The following ZZZ3 variants were observed in gnomAD, a reference collection of about 807,000 sequenced individuals.
ZZZ3 encodes the protein zinc finger ZZ-type containing 3, also known as ZZ-type zinc finger-containing protein 3.
In ZZZ3, 22 loss-of-function variants were observed where a neutral mutation model predicts 95.2. The observed-to-expected ratio is 0.23, with a 90% CI of 0.17 to 0.33. The LOEUF (loss-of-function observed/expected upper bound fraction) is 0.33, where lower values mean the gene tolerates loss of function less well. Among genes scored for constraint, ZZZ3 ranks in the 10% least tolerant of loss-of-function variants. The pLI, the probability that ZZZ3 is intolerant of heterozygous loss-of-function variation, is 1.00. For missense variants in ZZZ3, 885 were observed against 1,066.5 expected, an observed-to-expected ratio of 0.83 and a Z score of 2.37; for synonymous variants, 335 against 358.9, an observed-to-expected ratio of 0.93 and a Z score of 0.75.
intron 5 of ZZZ3, among the ~76,000 whole-genome samples, chr1:77,605,196 G>A (rs547384488): frequency 6.8e-4 from 104 of 152,282 alleles, no homozygotes; most frequent in African/African-American, 2.4e-3. Flanking sequence ...CCCCAGCAGT[G>A]ACCACAAGGC....
intron 1 of ZZZ3, among the ~76,000 whole-genome samples, chr1:77,663,600 C>T (rs544848678): frequency 1.3e-5 from 2 of 152,312 alleles, no homozygotes; most frequent in South Asian, 4.1e-4. Context: ...TCCTAACCAA[C>T]ATGGAATGAA....
intron 4 of ZZZ3, among the ~76,000 whole-genome samples, chr1:77,636,323 T>A (rs938083214): frequency 4.6e-5 from 7 of 152,214 alleles, no homozygotes; most frequent in African/African-American, 1.7e-4. Context: ...TGCCTTGCAG[T>A]ACAAACTTCT....
chr1:77,664,339 T>C (rs1403234344), intron 1 of ZZZ3, among the ~76,000 whole-genome samples: 1 of 152,160 alleles, frequency 6.6e-6, no homozygotes, highest in Non-Finnish European at 1.5e-5. Flanking sequence ...AAAACTCTTA[T>C]TCCTCAAAGG....
intron 5 of ZZZ3, among the ~76,000 whole-genome samples, chr1:77,611,002 C>T (rs1665739797): frequency 6.6e-6 from 1 of 151,678 alleles, no homozygotes; most frequent in South Asian, 2.1e-4. Flanking sequence ...TAAATAGCAT[C>T]TAAATTGGAA....
chr1:77,619,189 TAA>T (rs755482820), intron 5 of ZZZ3, among the ~76,000 whole-genome samples: 6 of 152,274 alleles, frequency 3.9e-5, no homozygotes, highest in Middle Eastern at 3.4e-3. Flanking sequence ...TACAAATACA[TAA>T]AAGTTTCATA....
intron 1 of ZZZ3, among the ~76,000 whole-genome samples, chr1:77,641,913 T>C (rs191635675): frequency 3.5e-4 from 53 of 152,274 alleles, no homozygotes; most frequent in South Asian, 1.5e-3. Flanking sequence ...CCCTTACAAA[T>C]TGAAGAGCTC....
chr1:77,672,935 A>AT (rs200114118), intron 1 of ZZZ3, among the ~76,000 whole-genome samples: 36 of 151,714 alleles, frequency 2.4e-4, no homozygotes, highest in Admixed American at 3.9e-4. Flanking sequence ...AAAACAAGTG[A>AT]TTTTTTTTTA....
At chr1:77,588,745 T>TA (rs1264426026) in intron 5 of ZZZ3, among the ~76,000 whole-genome samples, 2 of 152,234 alleles carry the variant, frequency 1.3e-5, no homozygotes, top group Admixed American at 1.3e-4. Context: ...TTTGCCTGGA[T>TA]AAAATCATAG....
At chr1:77,571,673 C>G (rs182567576) in intron 12 of ZZZ3, among the ~76,000 whole-genome samples, 2 of 152,136 alleles carry the variant, frequency 1.3e-5, no homozygotes, top group Non-Finnish European at 2.9e-5. Flanking sequence ...TGAAACGAGC[C>G]AGTCACAAAA....
chr1:77,617,887 G>T (rs1666470750), intron 5 of ZZZ3, among the ~76,000 whole-genome samples: 1 of 152,104 alleles, frequency 6.6e-6, no homozygotes, highest in African/African-American at 2.4e-5. Flanking sequence ...GGAGGTTGCA[G>T]TGAAACAAGA....
intron 12 of ZZZ3, among the ~76,000 whole-genome samples, chr1:77,570,219 CAGCCTCCCA>C (rs977737863): frequency 6.6e-6 from 1 of 152,214 alleles, no homozygotes; most frequent in African/African-American, 2.4e-5. Flanking sequence ...TCTCCTGCCC[CAGCCTCCCA>C]AGTAGCTGGG....
intron 1 of ZZZ3, among the ~76,000 whole-genome samples, chr1:77,658,104 A>C (rs897039835): frequency 6.9e-6 from 1 of 145,778 alleles, no homozygotes; most frequent in African/African-American, 2.5e-5. Context: ...GCTTGAATGC[A>C]GGAGGCAGAG....
intron 5 of ZZZ3, among the ~76,000 whole-genome samples, chr1:77,613,535 G>A (rs914515855): frequency 1.3e-5 from 2 of 151,256 alleles, no homozygotes; most frequent in South Asian, 4.2e-4. Context: ...CTTGGTATAT[G>A]TTTATATGGT....
chr1:77,653,916 C>T (rs1283280948), intron 1 of ZZZ3, among the ~76,000 whole-genome samples: 1 of 152,082 alleles, frequency 6.6e-6, no homozygotes, highest in Non-Finnish European at 1.5e-5. Context: ...AGGCCAGGCA[C>T]GGTGGCTCAC....
chr1:77,633,679 CAGAT>C (rs1389884616), intron 4 of ZZZ3, among the ~76,000 whole-genome samples: 5 of 152,112 alleles, frequency 3.3e-5, no homozygotes, highest in Non-Finnish European at 7.4e-5. Context: ...CACAACAACT[CAGAT>C]AGGTGCTACT....
At chr1:77,653,583 G>C (rs971790130) in intron 1 of ZZZ3, among the ~76,000 whole-genome samples, 1 of 151,924 alleles carries the variant, frequency 6.6e-6, no homozygotes, top group Non-Finnish European at 1.5e-5. Flanking sequence ...GAGAAATCCT[G>C]TATCTACTAA....
intron 12 of ZZZ3, among the ~76,000 whole-genome samples, chr1:77,570,675 ATTATTT>A (rs911284947): frequency 6.1e-5 from 9 of 147,618 alleles, no homozygotes; most frequent in East Asian, 2.0e-4. Context: ...TATTATTATT[ATTATTT>A]TTTTGAGAGA....
At chr1:77,575,910 T>C (rs563315028) in intron 12 of ZZZ3, among the ~76,000 whole-genome samples, 158 bp downstream of exon 12, 1 of 152,350 alleles carries the variant, frequency 6.6e-6, no homozygotes, top group Non-Finnish European at 1.5e-5. Flanking sequence ...TTTTTGTATA[T>C]GTTTGAAATT....
intron 5 of ZZZ3, among the ~76,000 whole-genome samples, chr1:77,614,562 T>C (rs1403719859): frequency 6.6e-6 from 1 of 152,178 alleles, no homozygotes. Flanking sequence ...TCTAATTATA[T>C]TACAAGACAA....
Sources: allele counts gnomAD v4.1 joint callset (sites outside exome capture counted in the v4.1 genomes callset), GRCh38; gene constraint gnomAD v4.1.1; transcripts MANE v1.5; gene names NCBI Gene and HGNC (gene_info 2026-07-23, HGNC 2026-07-21).